Variants in CAMK2N2 observed in about 807,000 individuals in gnomAD.
The protein encoded by CAMK2N2 is calcium/calmodulin dependent protein kinase II inhibitor 2.
CAMK2N2 carries 3 observed loss-of-function variants against 7.8 expected under a neutral mutation model. That is an observed-to-expected ratio of 0.38 (90% CI 0.18 to 0.99). The LOEUF (loss-of-function observed/expected upper bound fraction) is 0.99. Among genes scored for constraint, CAMK2N2 ranks in the 50% least tolerant of loss-of-function variants. The pLI is 0.37. For missense variants in CAMK2N2, 85 were observed against 108.4 expected (o/e 0.78, Z 0.96); for synonymous variants, 45 against 46.6 (o/e 0.97, Z 0.14).
In CAMK2N2 at chr3:184,260,979, C is replaced by T. The variant is rs74389490; in HGVS notation, c.169+138G>A. On this transcript the variant is annotated intron_variant, in intron 1 of 1. Coordinates refer to ENST00000296238, the MANE Select transcript of CAMK2N2 (RefSeq NM_033259.3). The surrounding 1 kb of genome is among the most constrained non-coding windows in gnomAD (Gnocchi z 6.6). ...ACACACACTGCAGCGGGGACCCCCCCCTCCAGCCCGGGCTGGAGAGCGGCT... is the reference window on the plus strand; with the variant it reads ...ACACACACTGCAGCGGGGACCCCCCTCTCCAGCCCGGGCTGGAGAGCGGCT... 6.7e-4 allele frequency: 604 copies of T among 895,616 alleles called. 7 individuals carry two copies. In the East Asian group the frequency reaches 0.015, roughly 22 times the overall value. 55.5% of individuals were successfully genotyped at this position (895,616 alleles called of 1,614,324 possible).
Position 184,261,270 on chromosome 3 carries a change from G to A in CAMK2N2, c.16C>T (p.Pro6Ser). 1.3e-6 allele frequency: 2 copies of A among 1,577,778 alleles called. No homozygotes were observed. Residue 6 changes from proline (P) to serine (S), a missense_variant, in exon 1 of 2, where the codon CCC becomes TCC. Transcript: ENST00000296238. The surrounding 1 kb of genome is among the most constrained non-coding windows in gnomAD (Gnocchi z 5.1). MSEIL[P>S]YSEDKMGRFG... The stretch of plus-strand genomic sequence containing the variant: ...CGGCCCATCTTGTCTTCGCTGTAGG[G>A]CAGGATCTCGGACATGGCGGGCGCG...
rs1057029032 is a variant in CAMK2N2 at position 184,260,817 on chromosome 3, C to T, written c.169+300G>A. Among the ~76,000 whole-genome samples the T allele has an allele frequency of 7.2e-5, 11 of 152,342 alleles. No individual in the cohort carries two copies. Among genetic ancestry groups the T allele is most frequent in the Non-Finnish European group, 1.2e-4 (8 of 68,036 alleles). On this transcript the variant is annotated intron_variant, in intron 1 of 1. Transcript: ENST00000296238. The surrounding 1 kb of genome is among the most constrained non-coding windows in gnomAD (Gnocchi z 6.6). ...TTGATCCCAAAGAATCAGCCCGTTA[C>T]CCCGTGCTCCCACTTCCGTGCAGCC...
rs1577121743 is a variant in CAMK2N2, at chr3:184,260,491, A to G, written c.170-264T>C. The stretch of plus-strand genomic sequence containing the variant: ...CCCTCCCAGTGCGAGCCCTCCTGCC[A>G]CCTGAGCCTTCCTCCCTCTGAGTTG... On this transcript the variant is annotated intron_variant, in intron 1 of 1. Coordinates refer to ENST00000296238, the MANE Select transcript of CAMK2N2 (RefSeq NM_033259.3). The surrounding 1 kb of genome is among the most constrained non-coding windows in gnomAD (Gnocchi z 6.6). Among the ~76,000 whole-genome samples, 6 of 151,920 alleles carry G rather than the reference A, an allele frequency of 3.9e-5. No homozygotes were observed. The South Asian group carries it at 1.2e-3, about 32-fold the overall frequency.
At position 184,260,369 on chromosome 3, in the gene CAMK2N2, C is replaced by T. The variant is rs190455930; in HGVS notation, c.170-142G>A. On this transcript the variant is annotated intron_variant, in intron 1 of 1. Coordinates refer to ENST00000296238, the MANE Select transcript of CAMK2N2 (RefSeq NM_033259.3). The surrounding 1 kb of genome is among the most constrained non-coding windows in gnomAD (Gnocchi z 6.6). ...GAACCCTGTGCCGCGGTGTCCTCCC[C>T]GTCCGAACTCTTCTGGAGACCCAAC... The T allele has an allele frequency of 1.1e-3, 733 of 697,288 alleles. No individual in the cohort carries two copies. Among genetic ancestry groups the T allele is most frequent in the Non-Finnish European group, 1.5e-3 (658 of 432,894 alleles). The allele number at this position is 697,288 out of a possible 1,614,324, so 43.2% of individuals were successfully genotyped here. A position where few individuals can be genotyped will look rare whatever the true frequency, so the allele number is the denominator to read the frequency against.
chr3:184,261,316 C>T lies in CAMK2N2; in HGVS notation c.-31G>A. On this transcript the variant is annotated 5_prime_UTR_variant, in exon 1 of 2. Coordinates refer to ENST00000296238, the MANE Select transcript of CAMK2N2 (RefSeq NM_033259.3). This position sits in a 1 kb window ranked among gnomAD's most constrained non-coding sequence, Gnocchi z 5.1. ...GCGCGGGGTGGGCGCGGGGCGGGAG[C>T]GGGACTGCGGCGGGGCGCGGGCGGC... is the stretch of plus-strand genomic sequence containing the variant. 7.1e-7 allele frequency: 1 copy of T among 1,403,462 alleles called. No individual in the cohort carries two copies. Among genetic ancestry groups the T allele is most frequent in the Non-Finnish European group, 9.2e-7 (1 of 1,087,162 alleles). The allele number at this position is 1,403,462 out of a possible 1,614,324, so 86.9% of individuals were successfully genotyped here.
rs772766519 is a variant in CAMK2N2 at position 184,261,218 on chromosome 3, T to C, written c.68A>G (p.Asp23Gly). ...GRFGADPEGS[D>G]LSFSCRLQDT... is the part of the protein sequence containing the mutation. ...CTGCAGGCGGCAGCTGAAGGAGAGG[T>C]CGGAGCCCTCGGGGTCTGCGCCGAA... is the stretch of plus-strand genomic sequence containing the variant. The change falls in exon 1 of 2, where the codon GAC becomes GGC. Residue 23 changes from aspartate to glycine, a missense_variant. Transcript: ENST00000296238. The surrounding 1 kb of genome is among the most constrained non-coding windows in gnomAD (Gnocchi z 5.1). 5 of 1,605,958 alleles carry C rather than the reference T, an allele frequency of 3.1e-6. No homozygotes were observed. Among genetic ancestry groups the C allele is most frequent in the Non-Finnish European group, 3.4e-6 (4 of 1,177,082 alleles).
In CAMK2N2 at chr3:184,261,096, C is replaced by T. The variant is rs992620891; in HGVS notation, c.169+21G>A. 2.6e-5 allele frequency: 42 copies of T among 1,586,946 alleles called. No individual in the cohort carries two copies. The highest frequency in any genetic ancestry group is 4.7e-5 in the East Asian group (2 of 42,318). On this transcript the variant is annotated intron_variant, in intron 1 of 1. Coordinates refer to ENST00000296238, the MANE Select transcript of CAMK2N2 (RefSeq NM_033259.3). This position sits in a 1 kb window ranked among gnomAD's most constrained non-coding sequence, Gnocchi z 5.1. Reference sequence around the variant, plus strand: ...GGAGGGTTTCTGGGTCAGGCGGCGACTCCGGGCCCGGGCCGCGTACCTCGC... The same window carrying T: ...GGAGGGTTTCTGGGTCAGGCGGCGATTCCGGGCCCGGGCCGCGTACCTCGC...
rs963159997 is a variant in CAMK2N2, at chr3:184,261,070, C to G, written c.169+47G>C. ...GGAACGGCAGCCGGGGGGCGCCCGG[C>G]GGAGGGTTTCTGGGTCAGGCGGCGA... is the stretch of plus-strand genomic sequence containing the variant. On this transcript the variant is annotated intron_variant, in intron 1 of 1. Transcript: ENST00000296238. The surrounding 1 kb of genome is among the most constrained non-coding windows in gnomAD (Gnocchi z 5.1). The G allele has an allele frequency of 1.3e-6, 2 of 1,534,108 alleles. No individual in the cohort carries two copies. Among genetic ancestry groups the G allele is most frequent in the Admixed American group, 2.0e-5 (1 of 50,536 alleles).
In CAMK2N2 at chr3:184,261,231, G is replaced by C. The variant is rs1450031365; in HGVS notation, c.55C>G (p.Pro19Ala). The change falls in exon 1 of 2, where the codon CCC becomes GCC. Residue 19 changes from proline (P) to alanine (A), a missense_variant. Physicochemically the swap from Pro to Ala is conservative, Grantham distance 27. Transcript: ENST00000296238. The surrounding 1 kb of genome is among the most constrained non-coding windows in gnomAD (Gnocchi z 5.1). ...CTGAAGGAGAGGTCGGAGCCCTCGG[G>C]GTCTGCGCCGAAGCGGCCCATCTTG... The part of the protein sequence containing the change: ...EDKMGRFGAD[P>A]EGSDLSFSCR... 6.2e-7 allele frequency: 1 copy of C among 1,604,118 alleles called. No homozygotes were observed. The highest frequency in any genetic ancestry group is 8.5e-7 in the Non-Finnish European group (1 of 1,176,700).
chr3:184,260,985 G>T lies in CAMK2N2; in HGVS notation c.169+132C>A. 1.1e-6 allele frequency: 1 copy of T among 902,800 alleles called. No homozygotes were observed. The highest frequency in any genetic ancestry group is 1.6e-6 in the Non-Finnish European group (1 of 644,204). 55.9% of individuals were successfully genotyped at this position (902,800 alleles called of 1,614,324 possible). On this transcript the variant is annotated intron_variant, in intron 1 of 1. Transcript: ENST00000296238. The surrounding 1 kb of genome is among the most constrained non-coding windows in gnomAD (Gnocchi z 6.6). Reference sequence around the variant, plus strand: ...ACTGCAGCGGGGACCCCCCCCTCCAGCCCGGGCTGGAGAGCGGCTGGTGCG... The same window carrying T: ...ACTGCAGCGGGGACCCCCCCCTCCATCCCGGGCTGGAGAGCGGCTGGTGCG...
rs529165898 is a variant in CAMK2N2 at position 184,260,033 on chromosome 3, G to A, written c.*124C>T. ...AGTGCCTGGCGGCGGCGGCGGCACG[G>A]CCCTGCAGCCCCCGCCCGCGGGCGC... On this transcript the variant is annotated 3_prime_UTR_variant, in exon 2 of 2. Coordinates refer to ENST00000296238, the MANE Select transcript of CAMK2N2 (RefSeq NM_033259.3). This position sits in a 1 kb window ranked among gnomAD's most constrained non-coding sequence, Gnocchi z 6.6. The A allele has an allele frequency of 7.1e-3, 2,175 of 306,896 alleles. 14 individuals carry two copies. The highest frequency in any genetic ancestry group is 9.4e-3 in the Non-Finnish European group (2,013 of 213,044). The allele number at this position is 306,896 out of a possible 1,614,324, so 19.0% of individuals were successfully genotyped here. A position where few individuals can be genotyped will look rare whatever the true frequency, so the allele number is the denominator to read the frequency against.
chr3:184,260,145 G>A lies in CAMK2N2; in HGVS notation c.*12C>T, dbSNP rs377017173. 195 of 1,526,868 alleles carry A rather than the reference G, an allele frequency of 1.3e-4. No individual in the cohort carries two copies. The African/African-American group carries it at 2.3e-3, about 18-fold the overall frequency. 94.6% of individuals were successfully genotyped at this position (1,526,868 alleles called of 1,614,324 possible). A position where few individuals can be genotyped will look rare whatever the true frequency, so the allele number is the denominator to read the frequency against. On this transcript the variant is annotated 3_prime_UTR_variant, in exon 2 of 2. Transcript: ENST00000296238. The surrounding 1 kb of genome is among the most constrained non-coding windows in gnomAD (Gnocchi z 6.6). ...AGGCTGGGCCCGGAGCCCGCCGCCC[G>A]AGCCGGCGCGTCTACACTCCGGACG...
In CAMK2N2 at chr3:184,260,212, T is replaced by C. The variant is rs764831945; in HGVS notation, c.185A>G (p.Asp62Gly). The C allele has an allele frequency of 3.5e-5, 57 of 1,609,764 alleles. 2 individuals carry two copies. In the South Asian group the frequency reaches 6.0e-4, roughly 17 times the overall value. ...CCCCTTCAGCACGTCGTCTATCCGG[T>C]CATCCTCGATCACCACTGCGCAGGG... The part of the protein sequence containing the change: ...GRAKRVVIED[D>G]RIDDVLKGMG... Residue 62 changes from aspartate (D) to glycine (G), a missense_variant, in exon 2 of 2, where the codon GAC becomes GGC. By Grantham distance (94) the Asp-to-Gly change is moderately conservative. Coordinates refer to ENST00000296238, the MANE Select transcript of CAMK2N2 (RefSeq NM_033259.3). This position sits in a 1 kb window ranked among gnomAD's most constrained non-coding sequence, Gnocchi z 6.6.
Position 184,260,980 on chromosome 3 carries a change from CT to C in CAMK2N2, c.169+136del, listed in dbSNP as rs1349733770. ...CACACACTGCAGCGGGGACCCCCCC[CT>C]CCAGCCCGGGCTGGAGAGCGGCTGG... On this transcript the variant is annotated intron_variant, in intron 1 of 1. Transcript: ENST00000296238. The surrounding 1 kb of genome is among the most constrained non-coding windows in gnomAD (Gnocchi z 6.6). 4.8e-5 allele frequency: 45 copies of C among 938,572 alleles called. No individual in the cohort carries two copies. The highest frequency in any genetic ancestry group is 6.4e-5 in the Non-Finnish European group (43 of 667,710). The allele number at this position is 938,572 out of a possible 1,614,324, so 58.1% of individuals were successfully genotyped here. A position where few individuals can be genotyped will look rare whatever the true frequency, so the allele number is the denominator to read the frequency against.
rs1481667310 is a variant in CAMK2N2, at chr3:184,261,339, G to C, written c.-54C>G. The C allele has an allele frequency of 3.3e-5, 45 of 1,347,470 alleles. No individual in the cohort carries two copies. In the Middle Eastern group the frequency reaches 2.1e-3, roughly 63 times the overall value. 83.5% of individuals were successfully genotyped at this position (1,347,470 alleles called of 1,614,324 possible). A position where few individuals can be genotyped will look rare whatever the true frequency, so the allele number is the denominator to read the frequency against. On this transcript the variant is annotated 5_prime_UTR_variant, in exon 1 of 2. Transcript: ENST00000296238. The surrounding 1 kb of genome is among the most constrained non-coding windows in gnomAD (Gnocchi z 5.1). ...AGCGGGACTGCGGCGGGGCGCGGGC[G>C]GCGGGCTTGCTGCCGGACCGGCCCT...
In CAMK2N2 at chr3:184,260,393, A is replaced by G. The variant is rs942683928; in HGVS notation, c.170-166T>C. On this transcript the variant is annotated intron_variant, in intron 1 of 1. Transcript: ENST00000296238. The surrounding 1 kb of genome is among the most constrained non-coding windows in gnomAD (Gnocchi z 6.6). ...CCGTCCGAACTCTTCTGGAGACCCA[A>G]CCCGCCGCCAAGCCTAGACCCCCTC... Among the ~76,000 whole-genome samples the G allele has an allele frequency of 1.3e-5, 2 of 151,704 alleles. No homozygotes were observed. Among genetic ancestry groups the G allele is most frequent in the Non-Finnish European group, 2.9e-5 (2 of 67,872 alleles).
Position 184,259,573 on chromosome 3 carries a change from G to A in CAMK2N2, c.*584C>T, listed in dbSNP as rs80286674. On this transcript the variant is annotated 3_prime_UTR_variant, in exon 2 of 2. Transcript: ENST00000296238. ...GAGCGTGGCCGAGACTGAGGGGAGG[G>A]CAGGAACCATGAGCAGAGCCAGTAA... 317 of 152,920 alleles carry A rather than the reference G, an allele frequency of 2.1e-3. 2 individuals are homozygous for A. Among genetic ancestry groups the A allele is most frequent in the Non-Finnish European group, 2.7e-3 (185 of 68,186 alleles). The allele number at this position is 152,920 out of a possible 1,614,324, so 9.5% of individuals were successfully genotyped here. A position where few individuals can be genotyped will look rare whatever the true frequency, so the allele number is the denominator to read the frequency against.
At position 184,261,144 on chromosome 3, in the gene CAMK2N2, G is replaced by A. The variant is rs759357271; in HGVS notation, c.142C>T (p.Leu48=). The change falls in exon 1 of 2, where the codon CTG becomes TTG. Residue 48 remains leucine, a synonymous_variant. Coordinates refer to ENST00000296238, the MANE Select transcript of CAMK2N2 (RefSeq NM_033259.3). This position sits in a 1 kb window ranked among gnomAD's most constrained non-coding sequence, Gnocchi z 5.1. ...AGNQAKRPPK[L]GQIGRAKRVV... is the part of the protein sequence containing the mutation. ...CGCTTGGCTCGGCCGATCTGGCCCA[G>A]CTTGGGGGGTCGCTTGGCCTGGTTG... 31 of 1,606,080 alleles carry A rather than the reference G, an allele frequency of 1.9e-5. No individual in the cohort carries two copies. Among genetic ancestry groups the A allele is most frequent in the Admixed American group, 1.7e-5 (1 of 59,626 alleles).
chr3:184,260,084 C>A lies in CAMK2N2; in HGVS notation c.*73G>T. 1 of 877,014 alleles carries A rather than the reference C, an allele frequency of 1.1e-6. No individual in the cohort carries two copies. The highest frequency in any genetic ancestry group is 5.0e-5 in the South Asian group (1 of 19,838). 54.3% of individuals were successfully genotyped at this position (877,014 alleles called of 1,614,324 possible). A position where few individuals can be genotyped will look rare whatever the true frequency, so the allele number is the denominator to read the frequency against. ...CTGGGCCGGGGCGGGGGGGCGCCGG[C>A]AGCCGCATCGCCGGCCCGCGCTCCT... On this transcript the variant is annotated 3_prime_UTR_variant, in exon 2 of 2. Transcript: ENST00000296238. This position sits in a 1 kb window ranked among gnomAD's most constrained non-coding sequence, Gnocchi z 6.6.
Sources: allele counts gnomAD v4.1 joint callset (sites outside exome capture counted in the v4.1 genomes callset), GRCh38; gene constraint gnomAD v4.1.1; non-coding constraint Gnocchi (gnomAD v3.1); transcripts MANE v1.5; gene names NCBI Gene and HGNC (gene_info 2026-07-23, HGNC 2026-07-21).